ALMS1: variants seen among roughly 807,000 people sequenced by gnomAD.
ALMS1 encodes ALMS1 centrosome and basal body associated protein.
In ALMS1, 271 loss-of-function variants were observed where a neutral mutation model predicts 352.2. The ratio of observed to expected loss-of-function variants is 0.77; its 90% CI spans 0.70 to 0.85. The LOEUF (loss-of-function observed/expected upper bound fraction) is 0.85, where lower values mean the gene tolerates loss of function less well. Among genes scored for constraint, ALMS1 ranks in the 40% least tolerant of loss-of-function variants. The pLI, the probability that ALMS1 is intolerant of heterozygous loss-of-function variation, is 0.00. For missense variants in ALMS1, 5,445 were observed against 4,870.7 expected, an observed-to-expected ratio of 1.12 and a Z score of -3.51; for synonymous variants, 1,865 against 1,761.2, an observed-to-expected ratio of 1.06 and a Z score of -1.48.
intron 9 of ALMS1, among the ~76,000 whole-genome samples, chr2:73,479,771 G>A (rs1672657066): frequency 6.6e-6 from 1 of 152,120 alleles, no homozygotes; most frequent in African/African-American, 2.4e-5. Context: ...GTAGTTGCAT[G>A]TTTAGTTTTT....
intron 9 of ALMS1, among the ~76,000 whole-genome samples, chr2:73,462,123 C>T (rs1008170455): frequency 9.9e-5 from 15 of 151,496 alleles, no homozygotes; most frequent in African/African-American, 3.2e-4. Context: ...AGATACTCCT[C>T]GAGAAGAGCA....
rs758991573 is a variant in ALMS1 at position 73,508,475 on chromosome 2, G to C, written c.9540-11300G>C. Among the ~76,000 whole-genome samples the C allele has an allele frequency of 2.4e-4, 37 of 151,916 alleles. 2 individuals carry two copies. The highest frequency in any genetic ancestry group is 2.4e-3 in the Admixed American group (36 of 15,240). The stretch of plus-strand genomic sequence containing the variant: ...CCGCCTCGGCCTCCCAAAATGCTGG[G>C]GTTACAGATGTGAGCCACCGCACCC... On this transcript the variant is annotated intron_variant, in intron 10 of 22. Transcript: ENST00000613296.
chr2:73,477,744 A>AT (rs1293437319), intron 9 of ALMS1, among the ~76,000 whole-genome samples: 1 of 152,016 alleles, frequency 6.6e-6, no homozygotes, highest in Non-Finnish European at 1.5e-5. Context: ...TGTAAATTGA[A>AT]TTTTTTTTAA....
At chr2:73,602,686 T>A (rs1325094795) in intron 20 of ALMS1, among the ~76,000 whole-genome samples, 2 of 152,188 alleles carry the variant, frequency 1.3e-5, no homozygotes, top group Non-Finnish European at 2.9e-5. Flanking sequence ...CTTGCCTACC[T>A]CTTAGGATGG....
chr2:73,540,852 A>C (rs1453406587), intron 12 of ALMS1, among the ~76,000 whole-genome samples: 1 of 152,256 alleles, frequency 6.6e-6, no homozygotes, highest in Non-Finnish European at 1.5e-5. Context: ...CACCCAATAC[A>C]GGAGCACCCA....
intron 15 of ALMS1, among the ~76,000 whole-genome samples, chr2:73,561,879 G>A (rs1194251814): frequency 6.6e-6 from 1 of 151,876 alleles, no homozygotes; most frequent in African/African-American, 2.4e-5. Context: ...TTTTCTAAAT[G>A]TTTTACACTC....
At chr2:73,415,382 A>G (rs1021458799) in intron 2 of ALMS1, among the ~76,000 whole-genome samples, 3 of 152,228 alleles carry the variant, frequency 2.0e-5, no homozygotes, top group Non-Finnish European at 4.4e-5. Context: ...TGGGTGAAGG[A>G]AAGTGGGAGA....
intron 7 of ALMS1, among the ~76,000 whole-genome samples, chr2:73,447,546 T>C (rs1382782948): frequency 1.3e-5 from 2 of 152,154 alleles, no homozygotes; most frequent in Non-Finnish European, 2.9e-5. Context: ...GAGCCTTTGC[T>C]GTACCAGGGA....
Position 73,490,595 on chromosome 2 carries a change from G to T in ALMS1, c.8636G>T (p.Cys2879Phe), listed in dbSNP as rs747099151. 6.2e-7 allele frequency: 1 copy of T among 1,614,148 alleles called. No individual in the cohort carries two copies. Among genetic ancestry groups the T allele is most frequent in the Non-Finnish European group, 8.5e-7 (1 of 1,180,014 alleles). ...ACTATAACTCCAGATCTTCCTTCTT[G>T]CATTTTTCTTGAACAACGAGAGCTC... ...NVTITPDLPS[C>F]IFLEQRELFE... is the part of the protein sequence containing the mutation. The change falls in exon 10 of 23, where the codon TGC (cysteine) becomes TTC (phenylalanine). Residue 2879 changes from cysteine to phenylalanine, a missense_variant. Coordinates refer to ENST00000613296, the MANE Select transcript of ALMS1 (RefSeq NM_001378454.1).
At chr2:73,560,904 T>C (rs969109588) in intron 15 of ALMS1, among the ~76,000 whole-genome samples, 6 of 152,186 alleles carry the variant, frequency 3.9e-5, no homozygotes, top group African/African-American at 1.4e-4. Flanking sequence ...GGAGAGTCTT[T>C]TATTGAGTGC....
At chr2:73,416,509 G>A (rs1460774341) in intron 2 of ALMS1, among the ~76,000 whole-genome samples, 3 of 152,052 alleles carry the variant, frequency 2.0e-5, no homozygotes, top group Admixed American at 6.6e-5. Context: ...TGAACATTTT[G>A]TTAATGAATT....
intron 9 of ALMS1, among the ~76,000 whole-genome samples, chr2:73,475,116 T>C (rs1204195964): frequency 6.6e-6 from 1 of 152,160 alleles, no homozygotes; most frequent in East Asian, 1.9e-4. Context: ...CATTTCATTG[T>C]ATAGATACTT....
intron 9 of ALMS1, among the ~76,000 whole-genome samples, chr2:73,465,797 A>G (rs1412810361): frequency 6.6e-6 from 1 of 150,770 alleles, no homozygotes; most frequent in Non-Finnish European, 1.5e-5. Context: ...TACAAGAAAA[A>G]AACAACCCCA....
In ALMS1 at chr2:73,449,967, A is replaced by G. The variant is rs1671893635; in HGVS notation, c.3440A>G (p.His1147Arg). The G allele has an allele frequency of 1.9e-6, 3 of 1,613,940 alleles. No homozygotes were observed. The highest frequency in any genetic ancestry group is 2.5e-6 in the Non-Finnish European group (3 of 1,179,938). ...PTVTSTSYSQHREKPSIFHQQ... is the reference protein window; with the variant it reads ...PTVTSTSYSQRREKPSIFHQQ... Reference sequence around the variant, plus strand: ...GTAACCTCAACTTCCTACTCACAACATAGAGAAAAGCCCAGCATTTTCCAC... The same window carrying G: ...GTAACCTCAACTTCCTACTCACAACGTAGAGAAAAGCCCAGCATTTTCCAC... The change falls in exon 8 of 23, where the codon CAT becomes CGT. Residue 1147 changes from histidine to arginine, a missense_variant. Transcript: ENST00000613296.
intron 2 of ALMS1, among the ~76,000 whole-genome samples, chr2:73,418,318 A>G (rs1671217223): frequency 6.6e-6 from 1 of 152,192 alleles, no homozygotes; most frequent in South Asian, 2.1e-4. Flanking sequence ...TGATATGATA[A>G]TGTTATATAT....
At position 73,449,344 on chromosome 2, in the gene ALMS1, A is replaced by T; in HGVS notation, c.2817A>T (p.Val939=). ...EEALKVSAVS[V]LAAQKTGTPT... ...CTCTGAAGGTTTCAGCTGTTTCTGT[A>T]TTGGCTGCCCAGAAGACTGGGACAC... The change falls in exon 8 of 23, where the codon GTA becomes GTT. Residue 939 remains valine (V), a synonymous_variant. Transcript: ENST00000613296. The T allele has an allele frequency of 1.2e-6, 2 of 1,614,082 alleles. No homozygotes were observed. The highest frequency in any genetic ancestry group is 1.7e-6 in the Non-Finnish European group (2 of 1,179,992).
intron 16 of ALMS1, among the ~76,000 whole-genome samples, chr2:73,593,489 A>G (rs1175633448): frequency 2.0e-5 from 3 of 152,212 alleles, no homozygotes; most frequent in Non-Finnish European, 4.4e-5. Flanking sequence ...ATGCAGAACT[A>G]TAGAGTATAA....
chr2:73,394,979 C>CATATATATGTGTATATATATATGTGT (rs1471143390), intron 1 of ALMS1, among the ~76,000 whole-genome samples: 2 of 117,524 alleles, frequency 1.7e-5, no homozygotes, highest in African/African-American at 4.3e-5. Flanking sequence ...TGGTATTTTA[C>CATATATATGTGTATATATATATGTGT]ATATATATGT....
chr2:73,457,558 T>C (rs1672093253), intron 9 of ALMS1, among the ~76,000 whole-genome samples: 1 of 152,172 alleles, frequency 6.6e-6, no homozygotes, highest in Non-Finnish European at 1.5e-5. Flanking sequence ...TTTTTAACTC[T>C]CCTGTATTTC....
Sources: gnomAD v4.1 joint callset for allele counts (sites outside exome capture counted in the v4.1 genomes callset) on GRCh38, gnomAD v4.1.1 for gene constraint, MANE v1.5 for transcripts, NCBI Gene and HGNC (gene_info 2026-07-23, HGNC 2026-07-21) for gene names.